Variants in DNAH7 observed in about 807,000 individuals in gnomAD.
DNAH7 encodes the protein axonemal beta dynein heavy chain 7.
A neutral mutation model predicts 444.6 loss-of-function variants in DNAH7; 397 were observed. The observed-to-expected ratio is 0.89, with a 90% CI of 0.82 to 0.97. The LOEUF (loss-of-function observed/expected upper bound fraction) is 0.97. Ranked by LOEUF, DNAH7 falls within the 50% of genes least tolerant of loss-of-function variation. The pLI, the probability that DNAH7 is intolerant of heterozygous loss-of-function variation, is 0.00. For missense variants in DNAH7, 4,902 were observed against 4,800.8 expected (o/e 1.02, Z -0.62); for synonymous variants, 1,636 against 1,624.4 (o/e 1.01, Z -0.17).
intron 59 of DNAH7, among the ~76,000 whole-genome samples, chr2:195,777,141 A>G (rs1695100657): frequency 6.6e-6 from 1 of 152,120 alleles, no homozygotes; most frequent in Admixed American, 6.6e-5. Context: ...TTAACTTTCA[A>G]TATATGCCCT....
At chr2:195,881,745 T>A (rs1339994915) in intron 36 of DNAH7, 50 bp downstream of exon 36, 1 of 1,536,282 alleles carries the variant, frequency 6.5e-7, no homozygotes, top group Non-Finnish European at 8.9e-7. Flanking sequence ...TCAAAAACAT[T>A]CTTAGGAAGA....
At chr2:195,871,629 A>T (rs951170911) in intron 40 of DNAH7, among the ~76,000 whole-genome samples, 1 of 152,076 alleles carries the variant, frequency 6.6e-6, no homozygotes, top group Non-Finnish European at 1.5e-5. Context: ...TTCTTATAAA[A>T]ACATCTCCTT....
At chr2:195,848,760 T>C (rs1574556626) in intron 46 of DNAH7, among the ~76,000 whole-genome samples, 2 of 152,258 alleles carry the variant, frequency 1.3e-5, no homozygotes, top group Admixed American at 1.3e-4. Context: ...TTTTGAATCA[T>C]TCTGTGGTTG....
intron 19 of DNAH7, among the ~76,000 whole-genome samples, chr2:195,954,524 A>C (rs1690501705): frequency 6.6e-6 from 1 of 152,208 alleles, no homozygotes; most frequent in Non-Finnish European, 1.5e-5. Flanking sequence ...ATGATTTATA[A>C]TCCTTTGGGT....
chr2:195,807,055 C>T (rs1381234758), intron 53 of DNAH7, among the ~76,000 whole-genome samples: 3 of 151,924 alleles, frequency 2.0e-5, no homozygotes, highest in South Asian at 2.1e-4. Flanking sequence ...AGGTTAATGT[C>T]GACATGAACA....
At chr2:195,820,552 A>C (rs572332316) in intron 49 of DNAH7, among the ~76,000 whole-genome samples, 8 of 152,240 alleles carry the variant, frequency 5.3e-5, no homozygotes, top group Admixed American at 5.2e-4. Flanking sequence ...GAGGTGACTC[A>C]GTGTTTGCTC....
At chr2:195,938,207 A>G (rs1689179902) in intron 19 of DNAH7, among the ~76,000 whole-genome samples, 1 of 152,120 alleles carries the variant, frequency 6.6e-6, no homozygotes, top group Non-Finnish European at 1.5e-5. Context: ...CAAAGAAAAT[A>G]ATTATCATTA....
chr2:195,864,138 C>A lies in DNAH7; in HGVS notation c.7506+11G>T. On this transcript the variant is annotated intron_variant, in intron 41 of 64. Coordinates refer to ENST00000312428, the MANE Select transcript of DNAH7 (RefSeq NM_018897.3). ...TTTCTAGAAGTCTATCTAAAATGTACATGACAATACCTGAAACCAGTCAAT... is the reference window on the plus strand; with the variant it reads ...TTTCTAGAAGTCTATCTAAAATGTAAATGACAATACCTGAAACCAGTCAAT... 6.2e-7 allele frequency: 1 copy of A among 1,607,408 alleles called. No individual in the cohort carries two copies. Among genetic ancestry groups the A allele is most frequent in the Non-Finnish European group, 8.5e-7 (1 of 1,174,708 alleles).
chr2:196,058,026 G>A, intron 2 of DNAH7, 28 bp downstream of exon 2: 2 of 1,430,368 alleles, frequency 1.4e-6, no homozygotes, highest in South Asian at 3.2e-5. Flanking sequence ...ATAAAGGAAT[G>A]AAGTATGATG....
chr2:195,936,720 C>T lies in DNAH7; in HGVS notation c.3151G>A (p.Glu1051Lys), dbSNP rs374502379. The change falls in exon 20 of 65, where the codon GAG becomes AAG. Residue 1051 changes from glutamate (E) to lysine (K), a missense_variant. By Grantham distance (56) the Glu-to-Lys change is moderately conservative. Transcript: ENST00000312428. ...ERLKKSNELL[E>K]LILKGLNEYL... ...TCATTAAGTCCTTTAAGAATGAGCT[C>T]CAAAAGTTCATTAGATTTTTTCAGC... 1 of 1,601,830 alleles carries T rather than the reference C, an allele frequency of 6.2e-7. No individual in the cohort carries two copies. Among genetic ancestry groups the T allele is most frequent in the East Asian group, 2.3e-5 (1 of 44,422 alleles).
chr2:195,974,755 TACACACACACACACACAC>T (rs58054572), intron 15 of DNAH7, among the ~76,000 whole-genome samples: 4 of 143,658 alleles, frequency 2.8e-5, no homozygotes, highest in South Asian at 2.3e-4. Context: ...ATGTATATTT[TACACACACACACACACAC>T]ACACACACAC....
chr2:195,920,341 A>C (rs1687948333), intron 24 of DNAH7, among the ~76,000 whole-genome samples: 1 of 152,226 alleles, frequency 6.6e-6, no homozygotes, highest in African/African-American at 2.4e-5. Flanking sequence ...CCAAAACAGC[A>C]TGGTACTAGT....
intron 58 of DNAH7, among the ~76,000 whole-genome samples, chr2:195,785,862 G>A (rs775590142): frequency 8.5e-4 from 129 of 151,406 alleles, no homozygotes; most frequent in Non-Finnish European, 1.7e-3. Flanking sequence ...TTTTTGTTTT[G>A]AAAAGTGTAA....
intron 2 of DNAH7, among the ~76,000 whole-genome samples, chr2:196,056,420 A>G (rs1279118697): frequency 3.6e-5 from 4 of 111,418 alleles, no homozygotes; most frequent in Non-Finnish European, 7.4e-5. Context: ...ACTCTGTCTG[A>G]AAAAAAAAAA....
In DNAH7 at chr2:195,740,885, A is replaced by G. The variant is rs1692989230; in HGVS notation, c.11765-16T>C. 6.9e-7 allele frequency: 1 copy of G among 1,444,978 alleles called. No homozygotes were observed. Among genetic ancestry groups the G allele is most frequent in the East Asian group, 2.4e-5 (1 of 40,830 alleles). The allele number at this position is 1,444,978 out of a possible 1,614,324, so 89.5% of individuals were successfully genotyped here. On this transcript the variant is annotated splice_polypyrimidine_tract_variant and intron_variant, in intron 63 of 64. Transcript: ENST00000312428. ...ATGAAAACACCTAAATATAAAAGAAACACATTAATATAACACTTGAAATAT... is the reference window on the plus strand; with the variant it reads ...ATGAAAACACCTAAATATAAAAGAAGCACATTAATATAACACTTGAAATAT...
intron 36 of DNAH7, among the ~76,000 whole-genome samples, chr2:195,877,791 G>A (rs1313804057): frequency 6.6e-6 from 1 of 152,160 alleles, no homozygotes; most frequent in African/African-American, 2.4e-5. Flanking sequence ...AGCCCAGCAG[G>A]AGCTACCTTT....
rs141817211 is a variant in DNAH7, at chr2:195,819,551, A to G, written c.9292-1722T>C. ...TACCATGAATCAGGCTCTATGATAT[A>G]AAGAAGAGTAAGATACAGTCTGGTC... On this transcript the variant is annotated intron_variant, in intron 49 of 64. Transcript: ENST00000312428. Among the ~76,000 whole-genome samples the G allele has an allele frequency of 1.5e-3, 224 of 152,282 alleles. 1 individual carries two copies. Among genetic ancestry groups the G allele is most frequent in the African/African-American group, 5.0e-3 (209 of 41,564 alleles).
rs1200536582 is a variant in DNAH7 at position 195,960,622 on chromosome 2, C to T, written c.2529G>A (p.Val843=). 1 of 1,614,234 alleles carries T rather than the reference C, an allele frequency of 6.2e-7. No individual in the cohort carries two copies. Reference sequence around the variant, plus strand: ...TGGGGCGCAAACCAGGATTACAGATCACTTGAATGAGAGGAATGTGCTGCT... The same window carrying T: ...TGGGGCGCAAACCAGGATTACAGATTACTTGAATGAGAGGAATGTGCTGCT... The part of the protein sequence containing the change: ...DFKQHIPLIQ[V]ICNPGLRPRH... The change falls in exon 18 of 65, where the codon GTG becomes GTA. Residue 843 remains valine (V), a synonymous_variant. Coordinates refer to ENST00000312428, the MANE Select transcript of DNAH7 (RefSeq NM_018897.3).
intron 54 of DNAH7, among the ~76,000 whole-genome samples, chr2:195,805,476 T>C (rs562253427): frequency 6.6e-6 from 1 of 152,086 alleles, no homozygotes; most frequent in African/African-American, 2.4e-5. Flanking sequence ...TTCATGGAGA[T>C]TACATTTTTT....
Sources: gnomAD v4.1 joint callset for allele counts (sites outside exome capture counted in the v4.1 genomes callset) on GRCh38, gnomAD v4.1.1 for gene constraint, MANE v1.5 for transcripts, NCBI Gene and HGNC (gene_info 2026-07-23, HGNC 2026-07-21) for gene names.